Variants in WDR70 observed in about 807,000 individuals in gnomAD.
WDR70 encodes the protein WD repeat-containing protein 70.
Under a neutral mutation model 88.6 loss-of-function variants are expected in WDR70, and 53 were observed. The observed-to-expected ratio is 0.60, with a 90% confidence interval of 0.48 to 0.75. WDR70 has a LOEUF of 0.75. WDR70 is among the 30% of genes least tolerant of loss of function. The pLI, the probability that WDR70 is intolerant of heterozygous loss-of-function variation, is 0.00. For missense variants in WDR70, 610 were observed against 823.2 expected (o/e 0.74, Z 3.17); for synonymous variants, 280 against 270.0 (o/e 1.04, Z -0.36).
At chr5:37,448,112 C>G (rs542550073) in intron 7 of WDR70, among the ~76,000 whole-genome samples, 4 of 152,186 alleles carry the variant, frequency 2.6e-5, no homozygotes, top group African/African-American at 9.6e-5. Flanking sequence ...GTGATCATTT[C>G]TTTTTCTTTT....
At chr5:37,693,317 A>G (rs1462697007) in intron 10 of WDR70, among the ~76,000 whole-genome samples, 1 of 152,246 alleles carries the variant, frequency 6.6e-6, no homozygotes, top group Non-Finnish European at 1.5e-5. Context: ...TGCCATCCCC[A>G]TCAAGTTACC....
At chr5:37,562,368 A>G (rs956935048) in intron 9 of WDR70, among the ~76,000 whole-genome samples, 6 of 152,196 alleles carry the variant, frequency 3.9e-5, no homozygotes, top group African/African-American at 1.4e-4. Flanking sequence ...AAAAGAAAAA[A>G]AAAAGTAAAA....
chr5:37,488,562 T>C (rs1224911912), intron 8 of WDR70, among the ~76,000 whole-genome samples: 2 of 149,532 alleles, frequency 1.3e-5, no homozygotes, highest in Admixed American at 1.4e-4. Flanking sequence ...GTTCTGAAAT[T>C]CTTTCTTGTG....
intron 10 of WDR70, among the ~76,000 whole-genome samples, chr5:37,680,031 T>TG (rs1362633048): frequency 6.6e-6 from 1 of 152,236 alleles, no homozygotes; most frequent in Non-Finnish European, 1.5e-5. Context: ...AAAGCATTTC[T>TG]TTTTCTCCAC....
At chr5:37,388,426 C>CTTTTTT (rs34629371) in intron 3 of WDR70, among the ~76,000 whole-genome samples, 21 of 138,764 alleles carry the variant, frequency 1.5e-4, no homozygotes, top group Admixed American at 8.6e-4. Context: ...GAAATACAGA[C>CTTTTTT]TTTTTTTTTT....
intron 9 of WDR70, among the ~76,000 whole-genome samples, chr5:37,529,154 G>A (rs989125041): frequency 2.6e-5 from 4 of 151,882 alleles, no homozygotes; most frequent in African/African-American, 9.7e-5. Context: ...TTATTTCTGG[G>A]TTCTGTATTC....
At position 37,522,809 on chromosome 5, in the gene WDR70, G is replaced by T. The variant is rs182142748; in HGVS notation, c.917+6219G>T. ...ATACTGTGCTTTTCCAACGGTCTTAGCAAACGGCACACCAGGAGATTATAT... is the reference window on the plus strand; with the variant it reads ...ATACTGTGCTTTTCCAACGGTCTTATCAAACGGCACACCAGGAGATTATAT... On this transcript the variant is annotated intron_variant, in intron 9 of 17. Coordinates refer to ENST00000265107, the MANE Select transcript of WDR70 (RefSeq NM_018034.4). Among the ~76,000 whole-genome samples the T allele has an allele frequency of 2.0e-5, 3 of 152,320 alleles. No individual in the cohort carries two copies. In the East Asian group the frequency reaches 5.8e-4, roughly 29 times the overall value.
At chr5:37,611,330 C>CT (rs1378705194) in intron 10 of WDR70, among the ~76,000 whole-genome samples, 5 of 150,770 alleles carry the variant, frequency 3.3e-5, no homozygotes, top group Admixed American at 6.6e-5. Flanking sequence ...TTGGGATATT[C>CT]TTATAAAGCT....
intron 17 of WDR70, among the ~76,000 whole-genome samples, chr5:37,733,792 C>T (rs143162765): frequency 2.0e-5 from 3 of 151,752 alleles, no homozygotes; most frequent in Admixed American, 6.6e-5. Context: ...TCTTTCAAAC[C>T]GAGAACAGAG....
intron 10 of WDR70, among the ~76,000 whole-genome samples, chr5:37,641,046 C>T (rs1172446839): frequency 6.6e-6 from 1 of 152,144 alleles, no homozygotes; most frequent in African/African-American, 2.4e-5. Flanking sequence ...ACTATTTTTC[C>T]TCAGCTCTAT....
chr5:37,606,741 A>G (rs1744039180), intron 10 of WDR70, among the ~76,000 whole-genome samples: 1 of 152,108 alleles, frequency 6.6e-6, no homozygotes, highest in African/African-American at 2.4e-5. Context: ...ATTATACCAT[A>G]TCTCATTTGT....
intron 9 of WDR70, among the ~76,000 whole-genome samples, chr5:37,581,382 T>C (rs1272937245): frequency 6.6e-6 from 1 of 152,188 alleles, no homozygotes; most frequent in African/African-American, 2.4e-5. Flanking sequence ...GTATTTCCCA[T>C]TAGGAAACTG....
chr5:37,410,975 T>C (rs897102768), intron 5 of WDR70, among the ~76,000 whole-genome samples: 1 of 152,248 alleles, frequency 6.6e-6, no homozygotes, highest in African/African-American at 2.4e-5. Context: ...ATTAAATTTA[T>C]AGATTAAAAC....
chr5:37,695,596 G>A (rs1746957842), intron 10 of WDR70, among the ~76,000 whole-genome samples: 1 of 152,128 alleles, frequency 6.6e-6, no homozygotes, highest in African/African-American at 2.4e-5. Context: ...TCCTTGACAT[G>A]TGGCCCCCTT....
chr5:37,402,291 A>AC (rs1199950234), intron 5 of WDR70, among the ~76,000 whole-genome samples: 2 of 89,224 alleles, frequency 2.2e-5, no homozygotes. Flanking sequence ...GCCAGATAGT[A>AC]TTTGTGTGTG....
intron 3 of WDR70, among the ~76,000 whole-genome samples, chr5:37,384,336 C>T (rs771081241): frequency 6.6e-6 from 1 of 151,854 alleles, no homozygotes; most frequent in Non-Finnish European, 1.5e-5. Flanking sequence ...TTGGTGCTAC[C>T]ACACCCCACT....
intron 7 of WDR70, among the ~76,000 whole-genome samples, chr5:37,462,524 G>A (rs1581303828): frequency 1.3e-5 from 2 of 152,046 alleles, no homozygotes; most frequent in Admixed American, 6.6e-5. Flanking sequence ...GGATGGTCTC[G>A]ATCGCCTGAC....
chr5:37,628,465 A>G (rs1261046399), intron 10 of WDR70, among the ~76,000 whole-genome samples: 1 of 152,288 alleles, frequency 6.6e-6, no homozygotes, highest in South Asian at 2.1e-4. Flanking sequence ...TTATTATATA[A>G]CGTACTTTTT....
chr5:37,436,906 C>T (rs1750483222), intron 5 of WDR70, among the ~76,000 whole-genome samples: 1 of 152,048 alleles, frequency 6.6e-6, no homozygotes, highest in Non-Finnish European at 1.5e-5. Flanking sequence ...TGAGATGATT[C>T]TTGAATTTGT....
Sources: allele counts gnomAD v4.1 joint callset (sites outside exome capture counted in the v4.1 genomes callset), GRCh38; gene constraint gnomAD v4.1.1; transcripts MANE v1.5; gene names NCBI Gene and HGNC (gene_info 2026-07-23, HGNC 2026-07-21).